EPHA6: variants seen among roughly 807,000 people sequenced by gnomAD.
The protein encoded by EPHA6 is ephrin type-A receptor 6.
In EPHA6, 50 loss-of-function variants were observed where a neutral mutation model predicts 112.0. The observed-to-expected ratio is 0.45, with a 90% CI of 0.36 to 0.56. The LOEUF (loss-of-function observed/expected upper bound fraction) is 0.56, where lower values mean the gene tolerates loss of function less well. Ranked by LOEUF, EPHA6 falls within the 20% of genes least tolerant of loss-of-function variation. The probability of loss-of-function intolerance (pLI) is 0.00; values close to 1 mark genes in which losing one functional copy is unlikely to be tolerated. For missense variants in EPHA6, 1,280 were observed against 1,417.4 expected (o/e 0.90, Z 1.56); for synonymous variants, 529 against 490.7 (o/e 1.08, Z -1.03).
chr3:97,661,714 A>T (rs2094170786), intron 14 of EPHA6, among the ~76,000 whole-genome samples: 1 of 152,166 alleles, frequency 6.6e-6, no homozygotes, highest in East Asian at 1.9e-4. Context: ...CTGATATTAA[A>T]GTTGTAGTGA....
intron 3 of EPHA6, among the ~76,000 whole-genome samples, chr3:97,158,839 T>C (rs2076348392): frequency 6.6e-6 from 1 of 152,120 alleles, no homozygotes; most frequent in Non-Finnish European, 1.5e-5. Context: ...AAAGATAAGC[T>C]ATCAGTTTGC....
rs551330434 is a variant in EPHA6, at chr3:97,752,323, A to T, written c.*3622A>T. The T allele has an allele frequency of 1.3e-5, 3 of 224,036 alleles. No individual in the cohort carries two copies. Among genetic ancestry groups the T allele is most frequent in the Non-Finnish European group, 1.8e-5 (2 of 112,264 alleles). The allele number at this position is 224,036 out of a possible 1,614,324, so 13.9% of individuals were successfully genotyped here. A position where few individuals can be genotyped will look rare whatever the true frequency, so the allele number is the denominator to read the frequency against. ...ATTCTTTTACTTATCACCCAACCAC[A>T]TTTCTTAAAAATGTGTTTTGGTGTC... is the stretch of plus-strand genomic sequence containing the variant. On this transcript the variant is annotated 3_prime_UTR_variant, in exon 18 of 18. Transcript: ENST00000389672.
At chr3:97,330,476 T>C (rs1267745022) in intron 5 of EPHA6, among the ~76,000 whole-genome samples, 1 of 152,216 alleles carries the variant, frequency 6.6e-6, no homozygotes, top group African/African-American at 2.4e-5. Context: ...CATTTATTTG[T>C]ATCCTCTTTT....
chr3:97,146,045 A>G (rs1002646468), intron 3 of EPHA6, among the ~76,000 whole-genome samples: 6 of 151,730 alleles, frequency 4.0e-5, no homozygotes, highest in Non-Finnish European at 7.4e-5. Context: ...CTAAATGACT[A>G]CCATATTATT....
intron 2 of EPHA6, among the ~76,000 whole-genome samples, chr3:96,946,337 A>T (rs1375185948): frequency 8.5e-6 from 1 of 117,076 alleles, no homozygotes. Flanking sequence ...CCCCCACCCC[A>T]CGACAGGCCC....
At chr3:97,109,496 G>A (rs1485190622) in intron 3 of EPHA6, among the ~76,000 whole-genome samples, 1 of 152,144 alleles carries the variant, frequency 6.6e-6, no homozygotes, top group Non-Finnish European at 1.5e-5. Context: ...AGACTTTCAA[G>A]TTAAATTTTA....
Position 97,754,614 on chromosome 3 carries a change from G to GA in EPHA6, c.*5915dup, listed in dbSNP as rs760173916. Among the ~76,000 whole-genome samples, 5 of 152,188 alleles carry GA rather than the reference G, an allele frequency of 3.3e-5. No homozygotes were observed. Among genetic ancestry groups the GA allele is most frequent in the Non-Finnish European group, 5.9e-5 (4 of 68,022 alleles). On this transcript the variant is annotated 3_prime_UTR_variant, in exon 18 of 18. Coordinates refer to ENST00000389672, the MANE Select transcript of EPHA6 (RefSeq NM_001080448.3). ...TGAATAAACTTTACCTTTTAAAAAG[G>GA]AATCTGTCAACTGCAAAGTTTGTAT... is the stretch of plus-strand genomic sequence containing the variant.
intron 3 of EPHA6, among the ~76,000 whole-genome samples, chr3:97,157,414 C>T (rs2076313593): frequency 6.6e-6 from 1 of 151,864 alleles, no homozygotes; most frequent in Admixed American, 6.6e-5. Flanking sequence ...CAATATATAC[C>T]TGAAATAATA....
In EPHA6 at chr3:97,756,674, T is replaced by C. The variant is rs1422898969; in HGVS notation, c.*7973T>C. 3.9e-5 allele frequency among the ~76,000 whole-genome samples: 6 copies of C among 152,024 alleles called. No homozygotes were observed. The highest frequency in any genetic ancestry group is 7.4e-5 in the Non-Finnish European group (5 of 67,786). On this transcript the variant is annotated 3_prime_UTR_variant, in exon 18 of 18. Transcript: ENST00000389672. ...AAAATGTAGCTTTGATAAAATTTTA[T>C]GGTTTTTAGGCCTCTTAGAGTAAAA...
intron 3 of EPHA6, among the ~76,000 whole-genome samples, chr3:97,187,868 G>T (rs1221605049): frequency 6.6e-6 from 1 of 151,952 alleles, no homozygotes. Flanking sequence ...CTTAGTTTGG[G>T]CAGGAAGTGA....
intron 3 of EPHA6, among the ~76,000 whole-genome samples, chr3:97,005,030 T>G (rs192662666): frequency 6.6e-5 from 10 of 152,320 alleles, no homozygotes; most frequent in African/African-American, 2.4e-4. Flanking sequence ...GTAGTACAGT[T>G]TGATATCAGG....
At chr3:97,218,993 A>G (rs1045991062) in intron 3 of EPHA6, among the ~76,000 whole-genome samples, 4 of 152,178 alleles carry the variant, frequency 2.6e-5, no homozygotes, top group Non-Finnish European at 4.4e-5. Flanking sequence ...CTAGTGTGGC[A>G]GTCAAATCTT....
chr3:97,680,309 G>C (rs958739483), intron 14 of EPHA6, among the ~76,000 whole-genome samples: 4 of 152,118 alleles, frequency 2.6e-5, no homozygotes, highest in African/African-American at 9.7e-5. Context: ...TGCTCTCTCT[G>C]AGAGATTCCC....
intron 5 of EPHA6, among the ~76,000 whole-genome samples, chr3:97,266,109 T>C (rs2079673317): frequency 6.6e-6 from 1 of 152,180 alleles, no homozygotes; most frequent in South Asian, 2.1e-4. Flanking sequence ...TTGAAATGGG[T>C]AGCTGGTAAT....
At chr3:97,279,276 A>G (rs1024674408) in intron 5 of EPHA6, among the ~76,000 whole-genome samples, 2 of 152,202 alleles carry the variant, frequency 1.3e-5, no homozygotes, top group Non-Finnish European at 2.9e-5. Flanking sequence ...TAATAGATTT[A>G]TTAATAGTGT....
At chr3:97,594,067 A>G (rs78665878) in intron 12 of EPHA6, among the ~76,000 whole-genome samples, 104 of 152,336 alleles carry the variant, frequency 6.8e-4, no homozygotes, top group African/African-American at 2.4e-3. Context: ...GCTTTCATGT[A>G]TAATTAATAT....
At chr3:96,837,948 G>C (rs940625359) in intron 1 of EPHA6, among the ~76,000 whole-genome samples, 19 of 151,974 alleles carry the variant, frequency 1.3e-4, no homozygotes, top group African/African-American at 4.6e-4. Flanking sequence ...ATGTACCATG[G>C]TGTTTTGCTT....
At chr3:97,394,465 T>G (rs563984682) in intron 5 of EPHA6, among the ~76,000 whole-genome samples, 112 of 151,662 alleles carry the variant, frequency 7.4e-4, no homozygotes, top group Non-Finnish European at 1.5e-3. Context: ...AAGGAAATAA[T>G]CAACAGAATG....
At chr3:97,046,251 AT>A (rs1410639211) in intron 3 of EPHA6, among the ~76,000 whole-genome samples, 1 of 152,200 alleles carries the variant, frequency 6.6e-6, no homozygotes, top group East Asian at 1.9e-4. Context: ...GATTTATCCC[AT>A]GGATTGAAGG....
Sources: allele counts gnomAD v4.1 joint callset (sites outside exome capture counted in the v4.1 genomes callset), GRCh38; gene constraint gnomAD v4.1.1; transcripts MANE v1.5; gene names NCBI Gene and HGNC (gene_info 2026-07-23, HGNC 2026-07-21).